Variants in RAB11FIP4 observed in about 807,000 individuals in gnomAD.
RAB11FIP4 encodes the protein rab11 family-interacting protein 4.
A neutral mutation model predicts 74.3 loss-of-function variants in RAB11FIP4; 23 were observed. The ratio of observed to expected loss-of-function variants is 0.31; its 90% CI spans 0.22 to 0.44. The LOEUF is 0.44. Ranked by LOEUF, RAB11FIP4 falls within the 20% of genes least tolerant of loss-of-function variation. The pLI is 1.00. For missense variants in RAB11FIP4, 630 were observed against 863.9 expected, an observed-to-expected ratio of 0.73 and a Z score of 3.39; for synonymous variants, 360 against 359.9, an observed-to-expected ratio of 1.00 and a Z score of 0.00.
At chr17:31,528,597 C>A in intron 12 of RAB11FIP4, 23 bp from the exon 13 acceptor site, 3 of 1,613,324 alleles carry the variant, frequency 1.9e-6, no homozygotes, top group Non-Finnish European at 1.7e-6. Flanking sequence ...CTGCTCCTGC[C>A]AACCTGCTTC....
intron 3 of RAB11FIP4, among the ~76,000 whole-genome samples, chr17:31,507,597 C>T (rs1035490771): frequency 1.3e-5 from 2 of 152,214 alleles, no homozygotes; most frequent in East Asian, 1.9e-4. Flanking sequence ...GGCTATCAGT[C>T]ATCTGTCCTT....
At chr17:31,506,559 G>A (rs575088354) in intron 3 of RAB11FIP4, among the ~76,000 whole-genome samples, 11 of 152,098 alleles carry the variant, frequency 7.2e-5, no homozygotes, top group Non-Finnish European at 1.3e-4. Flanking sequence ...ACCCTCTCCA[G>A]CCTCTGGTAA....
At chr17:31,505,543 ATT>A (rs2072315553) in intron 3 of RAB11FIP4, among the ~76,000 whole-genome samples, 2 of 67,332 alleles carry the variant, frequency 3.0e-5, no homozygotes, top group African/African-American at 1.2e-4. Flanking sequence ...ATTATTATAT[ATT>A]ATATATAATA....
chr17:31,511,649 A>G (rs1235577929), intron 3 of RAB11FIP4, among the ~76,000 whole-genome samples: 1 of 152,178 alleles, frequency 6.6e-6, no homozygotes, highest in Non-Finnish European at 1.5e-5. Context: ...GCTCAGGGAA[A>G]CGCAGGGTGC....
At chr17:31,449,508 G>T (rs1264084488) in intron 3 of RAB11FIP4, among the ~76,000 whole-genome samples, 1 of 151,998 alleles carries the variant, frequency 6.6e-6, no homozygotes, top group Admixed American at 6.6e-5. Context: ...TGATGTCTTG[G>T]CCCCTCTGTT....
Position 31,421,555 on chromosome 17 carries a change from C to CT in RAB11FIP4, c.160-10240dup, listed in dbSNP as rs35537135. Among the ~76,000 whole-genome samples, 197 of 102,350 alleles carry CT rather than the reference C, an allele frequency of 1.9e-3. 1 individual carries two copies. The highest frequency in any genetic ancestry group is 5.8e-3 in the African/African-American group (159 of 27,344). 67.1% of individuals were successfully genotyped at this position (102,350 alleles called of 152,430 possible). A position where few individuals can be genotyped will look rare whatever the true frequency, so the allele number is the denominator to read the frequency against. The stretch of plus-strand genomic sequence containing the variant: ...GTTTAATTATATTATAGTCACAGGA[C>CT]TTTTTTTTTTTTTTTTTTGAGACAG... On this transcript the variant is annotated intron_variant, in intron 1 of 14. Coordinates refer to ENST00000621161, the MANE Select transcript of RAB11FIP4 (RefSeq NM_032932.6).
chr17:31,445,552 ATATATATATATATATATATATATATATT>A lies in RAB11FIP4; in HGVS notation c.336+11432_336+11459del, dbSNP rs1567658162. Among the ~76,000 whole-genome samples, 335 of 38,716 alleles carry A rather than the reference ATATATATATATATATATATATATATATT, an allele frequency of 8.7e-3. 11 individuals are homozygous for A. Among genetic ancestry groups the A allele is most frequent in the East Asian group, 9.5e-3 (5 of 526 alleles). The allele number at this position is 38,716 out of a possible 152,430, so 25.4% of individuals were successfully genotyped here. A position where few individuals can be genotyped will look rare whatever the true frequency, so the allele number is the denominator to read the frequency against. On this transcript the variant is annotated intron_variant, in intron 3 of 14. Transcript: ENST00000621161. ...CAATTTTATATATATATATATATAT[ATATATATATATATATATATATATATATT>A]TTTTTTTTTTTTTTTTTTTTTTTGA...
intron 8 of RAB11FIP4, 135 bp from the exon 9 acceptor site, chr17:31,523,758 C>G (rs1200277905): frequency 5.0e-6 from 5 of 991,314 alleles, no homozygotes; most frequent in South Asian, 1.4e-5. Context: ...GTGTTCCCCA[C>G]TCCCCCACCC....
intron 6 of RAB11FIP4, 101 bp downstream of exon 6, chr17:31,522,150 C>A (rs1481795576): frequency 1.4e-6 from 2 of 1,478,146 alleles, no homozygotes; most frequent in Admixed American, 1.8e-5. Context: ...GCTGTCTGGG[C>A]AGGTGAGAGC....
chr17:31,467,927 C>T (rs1038860161), intron 3 of RAB11FIP4, among the ~76,000 whole-genome samples: 1 of 152,244 alleles, frequency 6.6e-6, no homozygotes, highest in African/African-American at 2.4e-5. Context: ...TGAGGCCCAG[C>T]CTGCCAGCTC....
intron 1 of RAB11FIP4, among the ~76,000 whole-genome samples, chr17:31,402,860 T>C (rs2107361): frequency 0.042 from 6,332 of 151,674 alleles, 171 homozygotes; most frequent in Non-Finnish European, 0.064. Flanking sequence ...CTCCTGACCT[T>C]GTGATCCACC....
At chr17:31,430,869 G>T (rs1027910844) in intron 1 of RAB11FIP4, among the ~76,000 whole-genome samples, 2 of 152,112 alleles carry the variant, frequency 1.3e-5, no homozygotes, top group Admixed American at 6.6e-5. Context: ...GTGAGCAGAC[G>T]CAGTGATGCT....
chr17:31,445,702 C>T (rs1204256674), intron 3 of RAB11FIP4, among the ~76,000 whole-genome samples: 1 of 150,174 alleles, frequency 6.7e-6, no homozygotes, highest in Admixed American at 6.6e-5. Context: ...TCTCCTGCCT[C>T]AGCCTCCCGA....
chr17:31,498,167 C>T (rs560524020), intron 3 of RAB11FIP4, among the ~76,000 whole-genome samples: 5 of 152,212 alleles, frequency 3.3e-5, no homozygotes, highest in African/African-American at 4.8e-5. Flanking sequence ...CCAATGGACT[C>T]CCTGGGAGGG....
intron 1 of RAB11FIP4, among the ~76,000 whole-genome samples, chr17:31,397,973 C>T (rs1230066508): frequency 6.6e-6 from 1 of 151,892 alleles, no homozygotes; most frequent in Non-Finnish European, 1.5e-5. Context: ...CTCTTGGGCT[C>T]AAACCGTCCT....
intron 3 of RAB11FIP4, among the ~76,000 whole-genome samples, chr17:31,486,646 CAA>C (rs1567671912): frequency 1.3e-5 from 2 of 152,188 alleles, no homozygotes; most frequent in Non-Finnish European, 1.5e-5. Flanking sequence ...CGGACCCAAA[CAA>C]GAGAAACAGT....
At chr17:31,506,675 A>G (rs746097736) in intron 3 of RAB11FIP4, among the ~76,000 whole-genome samples, 4 of 152,096 alleles carry the variant, frequency 2.6e-5, no homozygotes, top group Admixed American at 2.6e-4. Flanking sequence ...ACTTAACACA[A>G]TGTTCTGTAG....
At chr17:31,401,110 T>C (rs2070981080) in intron 1 of RAB11FIP4, among the ~76,000 whole-genome samples, 1 of 151,902 alleles carries the variant, frequency 6.6e-6, no homozygotes, top group Non-Finnish European at 1.5e-5. Flanking sequence ...CTACTAAAGA[T>C]ACAAAAACAA....
chr17:31,535,377 C>G lies in RAB11FIP4; in HGVS notation c.*3645C>G, dbSNP rs1405981650. ...GATTTGTAAGCTTCTGCTGTCTGGGCTGAACCCCCAGAGGTTCGGATTGAA... is the reference window on the plus strand; with the variant it reads ...GATTTGTAAGCTTCTGCTGTCTGGGGTGAACCCCCAGAGGTTCGGATTGAA... On this transcript the variant is annotated 3_prime_UTR_variant, in exon 15 of 15. Transcript: ENST00000621161. 1.3e-5 allele frequency: 2 copies of G among 151,934 alleles called. No individual in the cohort carries two copies. The highest frequency in any genetic ancestry group is 2.9e-5 in the Non-Finnish European group (2 of 68,034). 9.4% of individuals were successfully genotyped at this position (151,934 alleles called of 1,614,324 possible).
Sources: gnomAD v4.1 joint callset for allele counts (sites outside exome capture counted in the v4.1 genomes callset) on GRCh38, gnomAD v4.1.1 for gene constraint, MANE v1.5 for transcripts, NCBI Gene and HGNC (gene_info 2026-07-23, HGNC 2026-07-21) for gene names.